Variants in CSMD1 observed in about 807,000 individuals in gnomAD.
CSMD1 encodes CUB and sushi domain-containing protein 1.
A neutral mutation model predicts 417.5 loss-of-function variants in CSMD1; 213 were observed. That is an observed-to-expected ratio of 0.51 (90% CI 0.46 to 0.57). The LOEUF is 0.57. Ranked by LOEUF, CSMD1 falls within the 20% of genes least tolerant of loss-of-function variation. The probability of loss-of-function intolerance (pLI) is 0.00; values close to 1 mark genes in which losing one functional copy is unlikely to be tolerated. For missense variants in CSMD1, 6,923 were observed against 4,529.7 expected (o/e 1.53, Z -15.17); for synonymous variants, 2,862 against 1,736.8 (o/e 1.65, Z -16.11).
chr8:3,736,423 A>C (rs1413812189), intron 6 of CSMD1, among the ~76,000 whole-genome samples: 1 of 151,984 alleles, frequency 6.6e-6, no homozygotes, highest in Non-Finnish European at 1.5e-5. Flanking sequence ...TAAAAAAAAA[A>C]ATGTAGCAAT....
intron 37 of CSMD1, among the ~76,000 whole-genome samples, chr8:3,167,085 G>C (rs1044852649): frequency 8.5e-5 from 13 of 152,110 alleles, no homozygotes; most frequent in East Asian, 3.9e-4. Flanking sequence ...AAGAGTTCCA[G>C]AGCAGCCTGG....
intron 11 of CSMD1, among the ~76,000 whole-genome samples, chr8:3,485,849 A>G (rs915639743): frequency 2.6e-5 from 4 of 151,752 alleles, no homozygotes; most frequent in Admixed American, 2.0e-4. Flanking sequence ...GGAAATCTGA[A>G]TAAGATCAGT....
chr8:4,928,090 C>G (rs922699723), intron 1 of CSMD1, among the ~76,000 whole-genome samples: 2 of 152,162 alleles, frequency 1.3e-5, no homozygotes, highest in Non-Finnish European at 2.9e-5. Context: ...GAGCTCCATT[C>G]TTAGCCCTCA....
intron 12 of CSMD1, among the ~76,000 whole-genome samples, chr8:3,447,993 G>C (rs985985666): frequency 1.3e-5 from 2 of 152,090 alleles, no homozygotes; most frequent in African/African-American, 4.8e-5. Context: ...CTGAGGAAAT[G>C]AGAGTCCTGA....
intron 26 of CSMD1, among the ~76,000 whole-genome samples, chr8:3,235,868 G>A (rs575637132): frequency 4.7e-5 from 7 of 150,202 alleles, no homozygotes; most frequent in African/African-American, 4.9e-5. Context: ...CAGAAATACT[G>A]CATCTACATA....
intron 42 of CSMD1, among the ~76,000 whole-genome samples, chr8:3,115,288 G>A (rs768044101): frequency 4.5e-4 from 62 of 136,608 alleles, no homozygotes; most frequent in South Asian, 7.2e-4. Context: ...TGCAACCTCC[G>A]CCTTCTGCGT....
At chr8:4,183,419 C>T (rs555502473) in intron 3 of CSMD1, among the ~76,000 whole-genome samples, 8 of 152,302 alleles carry the variant, frequency 5.3e-5, no homozygotes, top group Admixed American at 4.6e-4. Context: ...ATAAAACATA[C>T]TGTGGGTCAC....
chr8:4,122,977 T>C (rs1226608221), intron 3 of CSMD1, among the ~76,000 whole-genome samples: 1 of 152,222 alleles, frequency 6.6e-6, no homozygotes, highest in Non-Finnish European at 1.5e-5. Context: ...CCTACGGTGA[T>C]AATTGGCAAA....
In CSMD1 at chr8:3,516,231, A is replaced by C. The variant is rs191763637; in HGVS notation, c.1345-22505T>G. Among the ~76,000 whole-genome samples, 23 of 152,358 alleles carry C rather than the reference A, an allele frequency of 1.5e-4. No individual in the cohort carries two copies. In the East Asian group the frequency reaches 4.2e-3, roughly 28 times the overall value. ...GTCCTGGAAAGGGACATTCTGCAGC[A>C]CTTGCAAAACCTAAGACTCACCAGC... On this transcript the variant is annotated intron_variant, in intron 10 of 69. Coordinates refer to ENST00000635120, the MANE Select transcript of CSMD1 (RefSeq NM_033225.6).
At chr8:4,112,175 T>C (rs1324757720) in intron 3 of CSMD1, among the ~76,000 whole-genome samples, 1 of 152,292 alleles carries the variant, frequency 6.6e-6, no homozygotes, top group Admixed American at 6.5e-5. Flanking sequence ...GGGCAGTCTA[T>C]AGCTGCTGAG....
chr8:3,350,845 G>A (rs1020941620), intron 21 of CSMD1, among the ~76,000 whole-genome samples: 1 of 147,156 alleles, frequency 6.8e-6, no homozygotes, highest in Non-Finnish European at 1.5e-5. Context: ...TTGGAATCTG[G>A]GATTTTTTTT....
chr8:4,698,903 A>AACACACACACACACACAC (rs71988727), intron 1 of CSMD1, among the ~76,000 whole-genome samples: 2 of 140,216 alleles, frequency 1.4e-5, no homozygotes, highest in Admixed American at 7.2e-5. Context: ...ATACCCTCCC[A>AACACACACACACACACAC]ACACACACAC....
intron 5 of CSMD1, among the ~76,000 whole-genome samples, chr8:3,820,846 A>T (rs1441562578): frequency 6.6e-6 from 1 of 152,044 alleles, no homozygotes; most frequent in Non-Finnish European, 1.5e-5. Flanking sequence ...GACCTCCCAA[A>T]GTGCTGGGAT....
chr8:4,745,370 A>T (rs947781513), intron 1 of CSMD1, among the ~76,000 whole-genome samples: 18 of 152,204 alleles, frequency 1.2e-4, no homozygotes, highest in African/African-American at 4.3e-4. Context: ...ATGATTTAGT[A>T]ACAGCACCTA....
chr8:4,045,434 T>C (rs1798100880), intron 3 of CSMD1, among the ~76,000 whole-genome samples: 1 of 152,160 alleles, frequency 6.6e-6, no homozygotes, highest in African/African-American at 2.4e-5. Context: ...GCAGTAGAAA[T>C]GACTGCTGAG....
chr8:4,487,898 C>A (rs1212461877), intron 2 of CSMD1, among the ~76,000 whole-genome samples: 1 of 152,142 alleles, frequency 6.6e-6, no homozygotes, highest in African/African-American at 2.4e-5. Context: ...ATTAAATAGA[C>A]AAATGAAAAT....
intron 5 of CSMD1, among the ~76,000 whole-genome samples, chr8:3,824,512 A>G (rs1430608485): frequency 6.6e-6 from 1 of 152,164 alleles, no homozygotes; most frequent in East Asian, 1.9e-4. Flanking sequence ...AGCAGCCACG[A>G]CACACTTAAA....
chr8:4,066,176 C>A (rs940852237), intron 3 of CSMD1, among the ~76,000 whole-genome samples: 1 of 152,218 alleles, frequency 6.6e-6, no homozygotes, highest in African/African-American at 2.4e-5. Flanking sequence ...TAAAGATTCA[C>A]ATTCACCTCT....
chr8:4,792,914 G>A (rs1013753608), intron 1 of CSMD1, among the ~76,000 whole-genome samples: 6 of 151,690 alleles, frequency 4.0e-5, no homozygotes, highest in African/African-American at 1.5e-4. Context: ...TTCATATAGA[G>A]TTCAGTATGA....
Sources: allele counts gnomAD v4.1 joint callset (sites outside exome capture counted in the v4.1 genomes callset), GRCh38; gene constraint gnomAD v4.1.1; transcripts MANE v1.5; gene names NCBI Gene and HGNC (gene_info 2026-07-23, HGNC 2026-07-21).